The following ZFP37 variants were observed in gnomAD, a reference collection of about 807,000 sequenced individuals.
ZFP37 encodes zinc finger protein 37 homolog.
ZFP37 carries 38 observed loss-of-function variants against 52.1 expected under a neutral mutation model. That is an observed-to-expected ratio of 0.73 (90% confidence interval 0.56 to 0.96). The LOEUF (loss-of-function observed/expected upper bound fraction) is 0.96, where lower values mean the gene tolerates loss of function less well. ZFP37 is among the 40% of genes least tolerant of loss of function. ZFP37 has a pLI of 0.00. For synonymous variants in ZFP37, 253 were observed against 259.5 expected, an observed-to-expected ratio of 0.98 and a Z score of 0.24; for missense variants, 695 against 741.4, an observed-to-expected ratio of 0.94 and a Z score of 0.73.
intron 3 of ZFP37, among the ~76,000 whole-genome samples, chr9:113,044,790 A>T (rs1828922899): frequency 6.6e-6 from 1 of 152,154 alleles, no homozygotes; most frequent in African/African-American, 2.4e-5. Flanking sequence ...TCCACTTGGT[A>T]CTTAAATTTA....
At chr9:113,055,038 T>C (rs1212940485) in intron 1 of ZFP37, among the ~76,000 whole-genome samples, 1 of 152,218 alleles carries the variant, frequency 6.6e-6, no homozygotes. Flanking sequence ...AATAAAATCC[T>C]ACATTATCTG....
chr9:113,047,631 T>C (rs1828981783), intron 3 of ZFP37, among the ~76,000 whole-genome samples: 1 of 151,956 alleles, frequency 6.6e-6, no homozygotes, highest in South Asian at 2.1e-4. Context: ...ATTTAGCAAA[T>C]TTACCTAAGA....
At chr9:113,044,499 G>A (rs1828917873) in intron 3 of ZFP37, among the ~76,000 whole-genome samples, 1 of 152,126 alleles carries the variant, frequency 6.6e-6, no homozygotes, top group African/African-American at 2.4e-5. Context: ...TTAAAAATAT[G>A]AGTGAGCAAC....
At chr9:113,045,709 T>C (rs1828937706) in intron 3 of ZFP37, among the ~76,000 whole-genome samples, 1 of 152,216 alleles carries the variant, frequency 6.6e-6, no homozygotes, top group African/African-American at 2.4e-5. Context: ...AAACACCAGG[T>C]AGTCCAATAA....
intron 3 of ZFP37, among the ~76,000 whole-genome samples, chr9:113,047,455 T>G (rs1173878617): frequency 1.3e-5 from 2 of 152,000 alleles, no homozygotes; most frequent in African/African-American, 4.8e-5. Context: ...GGTGGTAACA[T>G]GTAAGATCAA....
At position 113,044,232 on chromosome 9, in the gene ZFP37, T is replaced by C. The variant is rs762099061; in HGVS notation, c.386A>G (p.Gln129Arg). 2.4e-5 allele frequency: 38 copies of C among 1,574,426 alleles called. No individual in the cohort carries two copies. Among genetic ancestry groups the C allele is most frequent in the Non-Finnish European group, 3.1e-5 (36 of 1,167,956 alleles). ...QKDDDQLENIQKSQNKLLREV... is the reference protein window; with the variant it reads ...QKDDDQLENIRKSQNKLLREV... ...CCTGAGGAGTTTGTTTTGAGATTTC[T>C]GGATATTTTCAAGCTGGTCATCATC... Residue 129 changes from glutamine (Q) to arginine (R), a missense_variant, in exon 4 of 4, where the codon CAG becomes CGG. Physicochemically the swap from Gln to Arg is conservative, Grantham distance 43. Coordinates refer to ENST00000374227, the MANE Select transcript of ZFP37 (RefSeq NM_003408.3).
At position 113,038,852 on chromosome 9, in the gene ZFP37, C is replaced by G. The variant is rs1446945020; in HGVS notation, c.*3873G>C. 2.0e-5 allele frequency: 3 copies of G among 152,096 alleles called. No homozygotes were observed. Among genetic ancestry groups the G allele is most frequent in the Non-Finnish European group, 4.4e-5 (3 of 68,018 alleles). The allele number at this position is 152,096 out of a possible 1,614,324, so 9.4% of individuals were successfully genotyped here. On this transcript the variant is annotated 3_prime_UTR_variant, in exon 4 of 4. Transcript: ENST00000374227. Reference sequence around the variant, plus strand: ...CCTGAAACTAGGTGTGGTCATGTGACTCATTTCTGGTCAAAAGATATGAGC... The same window carrying G: ...CCTGAAACTAGGTGTGGTCATGTGAGTCATTTCTGGTCAAAAGATATGAGC...
rs1406360887 is a variant in ZFP37 at position 113,049,410 on chromosome 9, C to T, written c.301G>A (p.Gly101Ser). 1.2e-6 allele frequency: 2 copies of T among 1,614,130 alleles called. No homozygotes were observed. Among genetic ancestry groups the T allele is most frequent in the South Asian group, 2.2e-5 (2 of 91,082 alleles). ...GGTCTTGCTATTTTACTTGGACAAC[C>T]TTGACTGGGTCTTTTCCCCTTCCCC... ...WLGKGKRPSQ[G>S]CPSKIARPKQ... Residue 101 changes from glycine to serine, a missense_variant, in exon 3 of 4, where the codon GGT (glycine) becomes AGT (serine). Coordinates refer to ENST00000374227, the MANE Select transcript of ZFP37 (RefSeq NM_003408.3).
intron 1 of ZFP37, among the ~76,000 whole-genome samples, chr9:113,054,607 T>A (rs1339536025): frequency 6.6e-6 from 1 of 152,208 alleles, no homozygotes; most frequent in Non-Finnish European, 1.5e-5. Context: ...AGATCCCATT[T>A]CCATCCACCA....
At chr9:113,051,130 G>T (rs1303309813) in intron 1 of ZFP37, among the ~76,000 whole-genome samples, 1 of 152,140 alleles carries the variant, frequency 6.6e-6, no homozygotes, top group African/African-American at 2.4e-5. Context: ...GACTTAATAT[G>T]CAAGACAGAG....
At chr9:113,050,007 T>C in intron 1 of ZFP37, 135 bp from the exon 2 acceptor site, 1 of 1,352,988 alleles carries the variant, frequency 7.4e-7, no homozygotes. Flanking sequence ...CCTTGACTAC[T>C]CACTGTTGAT....
In ZFP37 at chr9:113,039,504, G is replaced by C. The variant is rs915606213; in HGVS notation, c.*3221C>G. 3 of 151,922 alleles carry C rather than the reference G, an allele frequency of 2.0e-5. No homozygotes were observed. The highest frequency in any genetic ancestry group is 4.4e-5 in the Non-Finnish European group (3 of 67,994). The allele number at this position is 151,922 out of a possible 1,614,324, so 9.4% of individuals were successfully genotyped here. ...TTTGCTTTTGTCACCATCTAAGTAA[G>C]CTTACTGCCTGCTTCCCATCACTAT... On this transcript the variant is annotated 3_prime_UTR_variant, in exon 4 of 4. Coordinates refer to ENST00000374227, the MANE Select transcript of ZFP37 (RefSeq NM_003408.3).
rs1323039706 is a variant in ZFP37, at chr9:113,038,454, A to G, written c.*4271T>C. ...GTACAACATCCATTTTTCAATGCCCATGTCTCTTTATTTCCTTTACTATGA... is the reference window on the plus strand; with the variant it reads ...GTACAACATCCATTTTTCAATGCCCGTGTCTCTTTATTTCCTTTACTATGA... On this transcript the variant is annotated 3_prime_UTR_variant, in exon 4 of 4. Coordinates refer to ENST00000374227, the MANE Select transcript of ZFP37 (RefSeq NM_003408.3). 6.6e-6 allele frequency: 1 copy of G among 151,980 alleles called. No individual in the cohort carries two copies. Among genetic ancestry groups the G allele is most frequent in the East Asian group, 1.9e-4 (1 of 5,188 alleles). The allele number at this position is 151,980 out of a possible 1,614,324, so 9.4% of individuals were successfully genotyped here.
chr9:113,045,590 A>G (rs1479337790), intron 3 of ZFP37, among the ~76,000 whole-genome samples: 1 of 152,154 alleles, frequency 6.6e-6, no homozygotes, highest in Non-Finnish European at 1.5e-5. Context: ...TGTCTTCTTA[A>G]TCCCTGCTTC....
Position 113,056,589 on chromosome 9 carries a change from T to C in ZFP37, c.100A>G (p.Met34Val). The C allele has an allele frequency of 6.2e-7, 1 of 1,613,902 alleles. No homozygotes were observed. Among genetic ancestry groups the C allele is most frequent in the South Asian group, 1.1e-5 (1 of 91,072 alleles). ...TTKEAGRPLE[M>V]AVSEPEASAA... The stretch of plus-strand genomic sequence containing the variant: ...CTGGCCTCGGGCTCGGACACAGCCA[T>C]CTCCAGTGGTCGCCCGGCCTCTTTG... Residue 34 changes from methionine to valine, a missense_variant, in exon 1 of 4, where the codon ATG becomes GTG. Physicochemically the swap from Met to Val is conservative, Grantham distance 21 (BLOSUM62 1). Around this residue, in one of 2 missense-constraint regions of ZFP37, gnomAD observed 369 missense variants for 340.9 expected, o/e 1.08. Transcript: ENST00000374227.
Position 113,056,690 on chromosome 9 carries a change from G to A in ZFP37, c.-2C>T, listed in dbSNP as rs1046837765. ...CTGGACGCCGCTGGAGACCGACATG[G>A]CGGCTACCCGGAGGGCGGCCTTAGC... On this transcript the variant is annotated 5_prime_UTR_variant, in exon 1 of 4. Transcript: ENST00000374227. The A allele has an allele frequency of 6.0e-5, 96 of 1,611,554 alleles. No homozygotes were observed. The highest frequency in any genetic ancestry group is 7.6e-5 in the Non-Finnish European group (90 of 1,179,070).
intron 1 of ZFP37, among the ~76,000 whole-genome samples, 194 bp downstream of exon 1, chr9:113,056,363 C>G (rs188920149): frequency 1.3e-5 from 2 of 152,298 alleles, no homozygotes; most frequent in East Asian, 3.9e-4. Flanking sequence ...CTCTGCAGAT[C>G]CCTCCTAATA....
At position 113,056,665 on chromosome 9, in the gene ZFP37, C is replaced by A. The variant is rs1316937063; in HGVS notation, c.24G>T (p.Gln8His). 1 of 1,613,644 alleles carries A rather than the reference C, an allele frequency of 6.2e-7. No homozygotes were observed. The change falls in exon 1 of 4, where the codon CAG becomes CAT. Residue 8 changes from glutamine (Q) to histidine (H), a missense_variant. This residue lies in a region of ZFP37 where 369 missense variants were observed against 340.9 expected (regional missense o/e 1.08). Coordinates refer to ENST00000374227, the MANE Select transcript of ZFP37 (RefSeq NM_003408.3). ...CCACGGTCTCTGGCTTTGTCAGAAT[C>A]TGGACGCCGCTGGAGACCGACATGG... MSVSSGV[Q>H]ILTKPETVDR...
chr9:113,050,237 G>A (rs1829031611), intron 1 of ZFP37, among the ~76,000 whole-genome samples: 1 of 151,712 alleles, frequency 6.6e-6, no homozygotes, highest in Non-Finnish European at 1.5e-5. Flanking sequence ...AATACAAAAC[G>A]TAGCTGGGCA....
Sources: allele counts gnomAD v4.1 joint callset (sites outside exome capture counted in the v4.1 genomes callset), GRCh38; gene constraint gnomAD v4.1.1; regional missense constraint gnomAD v4.1.1; transcripts MANE v1.5; gene names NCBI Gene and HGNC (gene_info 2026-07-23, HGNC 2026-07-21).